Variants in SWAP70 observed in about 807,000 individuals in gnomAD.
SWAP70 encodes the protein switch-associated protein 70.
SWAP70 carries 34 observed loss-of-function variants against 80.2 expected under a neutral mutation model. The observed-to-expected ratio is 0.42, with a 90% CI of 0.32 to 0.56. The LOEUF (loss-of-function observed/expected upper bound fraction) is 0.56. Ranked by LOEUF, SWAP70 falls within the 20% of genes least tolerant of loss-of-function variation. The pLI is 0.09. For missense variants in SWAP70, 578 were observed against 690.7 expected (o/e 0.84, Z 1.83); for synonymous variants, 239 against 238.5 (o/e 1.00, Z -0.02).
At chr11:9,700,809 G>T (rs756116873) in intron 2 of SWAP70, among the ~76,000 whole-genome samples, 1 of 152,118 alleles carries the variant, frequency 6.6e-6, no homozygotes, top group Non-Finnish European at 1.5e-5. Flanking sequence ...AAGCCATTTT[G>T]ATTACCTCAC....
At chr11:9,729,180 C>T (rs1436565447) in intron 5 of SWAP70, among the ~76,000 whole-genome samples, 163 bp from the exon 6 acceptor site, 1 of 152,064 alleles carries the variant, frequency 6.6e-6, no homozygotes, top group Admixed American at 6.5e-5. Context: ...GTCATTTTTA[C>T]CATAAGTAAT....
At position 9,664,946 on chromosome 11, in the gene SWAP70, C is replaced by G. The variant is rs191611081; in HGVS notation, c.99+668C>G. Among the ~76,000 whole-genome samples, 11 of 152,280 alleles carry G rather than the reference C, an allele frequency of 7.2e-5. No individual in the cohort carries two copies. In the East Asian group the frequency reaches 1.5e-3, roughly 21 times the overall value. ...TTAGTTCCGGGTGAGGAGCGCTGAT[C>G]TTTCTGGCACCCTGCAAAAGCGACT... On this transcript the variant is annotated intron_variant, in intron 1 of 11. Coordinates refer to ENST00000318950, the MANE Select transcript of SWAP70 (RefSeq NM_015055.4).
chr11:9,708,160 A>C (rs1261646201), intron 2 of SWAP70, among the ~76,000 whole-genome samples: 1 of 152,202 alleles, frequency 6.6e-6, no homozygotes, highest in Non-Finnish European at 1.5e-5. Context: ...ATATATCCAG[A>C]CGTGGGATTG....
At position 9,694,198 on chromosome 11, in the gene SWAP70, C is replaced by T; in HGVS notation, c.152C>T (p.Ala51Val). ...TVLKVPHDPV[A>V]LEEHFRDDDE... ...CTGAAGGTTCCTCATGACCCAGTTG[C>T]CCTTGAAGAGCACTTCAGGGATGAT... The change falls in exon 2 of 12, where the codon GCC becomes GTC. Residue 51 changes from alanine (A) to valine (V), a missense_variant. Ala to Val is a moderately conservative substitution (Grantham distance 64). Transcript: ENST00000318950. 6.2e-7 allele frequency: 1 copy of T among 1,613,084 alleles called. No individual in the cohort carries two copies. The highest frequency in any genetic ancestry group is 8.5e-7 in the Non-Finnish European group (1 of 1,179,602).
chr11:9,701,664 AC>A (rs1441727087), intron 2 of SWAP70, among the ~76,000 whole-genome samples: 4 of 146,718 alleles, frequency 2.7e-5, no homozygotes, highest in Non-Finnish European at 1.5e-5. Flanking sequence ...AATTCTTTAA[AC>A]GTCTAGGAAG....
chr11:9,666,711 A>G (rs900961460), intron 1 of SWAP70, among the ~76,000 whole-genome samples: 14 of 146,998 alleles, frequency 9.5e-5, no homozygotes, highest in South Asian at 2.2e-4. Flanking sequence ...AGATATTCCC[A>G]GATGACCTCT....
intron 1 of SWAP70, among the ~76,000 whole-genome samples, chr11:9,686,701 A>G (rs945348933): frequency 6.6e-5 from 10 of 152,154 alleles, no homozygotes; most frequent in Non-Finnish European, 1.3e-4. Flanking sequence ...ATAAATGCAT[A>G]TAGATACAGA....
At chr11:9,679,354 A>G (rs1010322136) in intron 1 of SWAP70, among the ~76,000 whole-genome samples, 4 of 152,234 alleles carry the variant, frequency 2.6e-5, no homozygotes, top group Non-Finnish European at 5.9e-5. Context: ...ATTCCACTCT[A>G]CAGACAGCTC....
chr11:9,706,771 A>G (rs1850920530), intron 2 of SWAP70, among the ~76,000 whole-genome samples: 1 of 152,078 alleles, frequency 6.6e-6, no homozygotes, highest in Non-Finnish European at 1.5e-5. Flanking sequence ...CGTGTTGTGT[A>G]CCTTCATGTC....
intron 1 of SWAP70, among the ~76,000 whole-genome samples, chr11:9,672,270 A>G (rs1275926387): frequency 7.6e-6 from 1 of 131,106 alleles, no homozygotes; most frequent in Non-Finnish European, 1.6e-5. Context: ...TCCATGTCCC[A>G]TAAACTTCAT....
rs1357435638 is a variant in SWAP70 at position 9,694,173 on chromosome 11, C to G, written c.127C>G (p.Leu43Val). The change falls in exon 2 of 12, where the codon CTG (leucine) becomes GTG (valine). Residue 43 changes from leucine to valine, a missense_variant. By Grantham distance (32) the Leu-to-Val change is conservative. Coordinates refer to ENST00000318950, the MANE Select transcript of SWAP70 (RefSeq NM_015055.4). ...KVLSHNLCTV[L>V]KVPHDPVALE... Reference sequence around the variant, plus strand: ...CCTTTCCCATAACCTGTGCACGGTGCTGAAGGTTCCTCATGACCCAGTTGC... The same window carrying G: ...CCTTTCCCATAACCTGTGCACGGTGGTGAAGGTTCCTCATGACCCAGTTGC... 3 of 1,612,218 alleles carry G rather than the reference C, an allele frequency of 1.9e-6. No individual in the cohort carries two copies. The South Asian group carries it at 3.3e-5, about 18-fold the overall frequency.
In SWAP70 at chr11:9,751,052, G is replaced by C. The variant is rs958520462; in HGVS notation, c.*1082G>C. On this transcript the variant is annotated 3_prime_UTR_variant, in exon 12 of 12. Transcript: ENST00000318950. ...TGCCAGGCTGTGAGAGGATTATACT[G>C]AGTAGTAGAAAGAAGCTAATTTGAA... The C allele has an allele frequency of 6.6e-6, 1 of 152,174 alleles. No homozygotes were observed. Among genetic ancestry groups the C allele is most frequent in the Non-Finnish European group, 1.5e-5 (1 of 68,034 alleles). 9.4% of individuals were successfully genotyped at this position (152,174 alleles called of 1,614,324 possible).
intron 1 of SWAP70, among the ~76,000 whole-genome samples, chr11:9,681,552 G>C (rs977377846): frequency 1.2e-4 from 18 of 152,178 alleles, no homozygotes; most frequent in Admixed American, 2.0e-4. Flanking sequence ...AAGGTGAGAG[G>C]CTGGAGATTG....
At chr11:9,706,745 A>T (rs1421827915) in intron 2 of SWAP70, among the ~76,000 whole-genome samples, 1 of 152,104 alleles carries the variant, frequency 6.6e-6, no homozygotes, top group African/African-American at 2.4e-5. Context: ...TTTTCACTGG[A>T]CATTATATAA....
At chr11:9,735,608 A>T (rs1851353573) in intron 7 of SWAP70, among the ~76,000 whole-genome samples, 1 of 152,170 alleles carries the variant, frequency 6.6e-6, no homozygotes, top group Non-Finnish European at 1.5e-5. Flanking sequence ...GAGTGTTGCT[A>T]TTCACTGTGC....
At chr11:9,667,691 T>G (rs1850326030) in intron 1 of SWAP70, among the ~76,000 whole-genome samples, 1 of 152,168 alleles carries the variant, frequency 6.6e-6, no homozygotes, top group South Asian at 2.1e-4. Flanking sequence ...GACTCCCACG[T>G]AGATGGGACT....
intron 2 of SWAP70, among the ~76,000 whole-genome samples, chr11:9,704,001 A>C (rs928236556): frequency 6.6e-6 from 1 of 152,222 alleles, no homozygotes; most frequent in Non-Finnish European, 1.5e-5. Flanking sequence ...TTATGAAACT[A>C]TAAAACCATT....
At chr11:9,682,041 A>T (rs1850574036) in intron 1 of SWAP70, among the ~76,000 whole-genome samples, 1 of 152,204 alleles carries the variant, frequency 6.6e-6, no homozygotes, top group African/African-American at 2.4e-5. Context: ...GGTGGCAGAC[A>T]TGCTCTTTGA....
Position 9,729,478 on chromosome 11 carries a change from T to C in SWAP70, c.898+27T>C, listed in dbSNP as rs1192428352. On this transcript the variant is annotated intron_variant, in intron 6 of 11. Coordinates refer to ENST00000318950, the MANE Select transcript of SWAP70 (RefSeq NM_015055.4). ...TAAGGTGATTTTTTATTATTTGCCA[T>C]GATATAACTTGAAAGCTCTGACTTT... 2.0e-6 allele frequency: 3 copies of C among 1,499,048 alleles called. No individual in the cohort carries two copies. The Admixed American group carries it at 5.3e-5, about 26-fold the overall frequency. 92.9% of individuals were successfully genotyped at this position (1,499,048 alleles called of 1,614,324 possible). A position where few individuals can be genotyped will look rare whatever the true frequency, so the allele number is the denominator to read the frequency against.
Sources: gnomAD v4.1 joint callset for allele counts (sites outside exome capture counted in the v4.1 genomes callset) on GRCh38, gnomAD v4.1.1 for gene constraint, MANE v1.5 for transcripts, NCBI Gene and HGNC (gene_info 2026-07-23, HGNC 2026-07-21) for gene names.